Variants in NELFB observed in about 807,000 individuals in gnomAD.
NELFB encodes negative elongation factor complex member B.
Under a neutral mutation model 60.2 loss-of-function variants are expected in NELFB, and 34 were observed. The observed-to-expected ratio is 0.56, with a 90% CI of 0.43 to 0.75. The LOEUF is 0.75. Among genes scored for constraint, NELFB ranks in the 30% least tolerant of loss-of-function variants. NELFB has a pLI of 0.00. For missense variants in NELFB, 770 were observed against 831.6 expected, an observed-to-expected ratio of 0.93 and a Z score of 0.91; for synonymous variants, 459 against 382.1, an observed-to-expected ratio of 1.20 and a Z score of -2.35.
At chr9:137,262,885 G>C in intron 4 of NELFB, 152 bp from the exon 5 acceptor site, 1 of 717,312 alleles carries the variant, frequency 1.4e-6, no homozygotes, top group South Asian at 1.8e-5. Flanking sequence ...CAGACTGGGG[G>C]CCAATATTTA....
At chr9:137,266,500 C>A in intron 8 of NELFB, 74 bp downstream of exon 8, 1 of 1,305,142 alleles carries the variant, frequency 7.7e-7, no homozygotes, top group Non-Finnish European at 1.1e-6. Flanking sequence ...GAGGGGGAGG[C>A]GCTAGCAAGG....
chr9:137,272,578 T>G lies in NELFB; in HGVS notation c.1703T>G (p.Leu568Arg). Residue 568 changes from leucine to arginine, a missense_variant, in exon 12 of 13, where the codon CTG (leucine) becomes CGG (arginine). Leu to Arg is a moderately radical substitution (Grantham distance 102, BLOSUM62 -2). Transcript: ENST00000343053. ...CACCCCAGGGTGGCCCCGTCTAAGCTGGAGGCGTTGCAGAAGGCCCTGGAG... is the reference window on the plus strand; with the variant it reads ...CACCCCAGGGTGGCCCCGTCTAAGCGGGAGGCGTTGCAGAAGGCCCTGGAG... The G allele has an allele frequency of 1.2e-6, 2 of 1,609,246 alleles. No individual in the cohort carries two copies. Among genetic ancestry groups the G allele is most frequent in the Non-Finnish European group, 1.7e-6 (2 of 1,178,360 alleles).
chr9:137,256,994 A>G lies in NELFB; in HGVS notation c.681A>G (p.Thr227=), dbSNP rs1373618920. 1.9e-6 allele frequency: 3 copies of G among 1,614,006 alleles called. No individual in the cohort carries two copies. The highest frequency in any genetic ancestry group is 1.7e-6 in the Non-Finnish European group (2 of 1,180,030). ...AGAAGGAGAGCGCTCTCTTCAGTAC[A>G]GAGCTCTCTGTCCTGCACAACTTTT... The change falls in exon 4 of 13, where the codon ACA becomes ACG. Residue 227 remains threonine, a synonymous_variant. Transcript: ENST00000343053.
At chr9:137,268,178 C>G (rs1054796295) in intron 10 of NELFB, among the ~76,000 whole-genome samples, 1 of 151,738 alleles carries the variant, frequency 6.6e-6, no homozygotes, top group South Asian at 2.1e-4. Flanking sequence ...CTTGCGGTAC[C>G]CACTGTGACA....
At chr9:137,272,761 C>T (rs767592326) in intron 12 of NELFB, 21 bp from the exon 13 acceptor site, 4 of 1,533,246 alleles carry the variant, frequency 2.6e-6, no homozygotes, top group Middle Eastern at 1.7e-4. Flanking sequence ...CTCGCCTGCC[C>T]CATGGTGTGG....
chr9:137,264,079 G>A (rs1293733020), intron 5 of NELFB, among the ~76,000 whole-genome samples, 166 bp from the exon 6 acceptor site: 1 of 152,242 alleles, frequency 6.6e-6, no homozygotes, highest in Admixed American at 6.5e-5. Flanking sequence ...GCTTTGGCCG[G>A]GAGGTGTGGG....
At chr9:137,268,720 G>A (rs1830548744) in intron 10 of NELFB, among the ~76,000 whole-genome samples, 2 of 152,300 alleles carry the variant, frequency 1.3e-5, no homozygotes, top group East Asian at 1.9e-4. Context: ...GAGAGCACGG[G>A]CAGGGGAGAC....
At chr9:137,272,006 G>A in intron 10 of NELFB, 75 bp from the exon 11 acceptor site, 2 of 1,586,556 alleles carry the variant, frequency 1.3e-6, no homozygotes, top group Non-Finnish European at 1.7e-6. Flanking sequence ...TAGGTTCTGA[G>A]GTCTTTGAGG....
In NELFB at chr9:137,255,961, C is replaced by T. The variant is rs146836979; in HGVS notation, c.301C>T (p.Leu101=). ...TCAGTCAGCCCTCCCCTTCTTGGAC[C>T]TGCACGGGACGCCGCGGCTGGAGTT... Residue 101 remains leucine, a synonymous_variant, in exon 2 of 13, where the codon CTG becomes TTG. Coordinates refer to ENST00000343053, the MANE Select transcript of NELFB (RefSeq NM_015456.5). 33,892 of 1,614,020 alleles carry T rather than the reference C, an allele frequency of 0.021. 431 individuals are homozygous for T. The highest frequency in any genetic ancestry group is 0.024 in the Non-Finnish European group (28,421 of 1,180,006).
rs931121629 is a variant in NELFB at position 137,273,250 on chromosome 9, C to T, written c.*322C>T. 2 of 271,626 alleles carry T rather than the reference C, an allele frequency of 7.4e-6. No homozygotes were observed. Among genetic ancestry groups the T allele is most frequent in the Admixed American group, 9.9e-5 (2 of 20,182 alleles). The allele number at this position is 271,626 out of a possible 1,614,324, so 16.8% of individuals were successfully genotyped here. On this transcript the variant is annotated 3_prime_UTR_variant, in exon 13 of 13. Coordinates refer to ENST00000343053, the MANE Select transcript of NELFB (RefSeq NM_015456.5). The stretch of plus-strand genomic sequence containing the variant: ...AGAGGGCGGGGCCTGAGGGTGGGGG[C>T]GGGGCCTCTTCATTGGCCCAGCTTG...
In NELFB at chr9:137,256,432, G is replaced by GGGCCCT. The variant is rs1837552766; in HGVS notation, c.510+5_510+10dup. 6.2e-7 allele frequency: 1 copy of GGGCCCT among 1,612,760 alleles called. No individual in the cohort carries two copies. Among genetic ancestry groups the GGGCCCT allele is most frequent in the Non-Finnish European group, 8.5e-7 (1 of 1,179,570 alleles). ...CGTCATGAAGCACCTGCCCAAGGTA[G>GGGCCCT]GGCCCTAACCCTAACCCTGATGGCG... is the stretch of plus-strand genomic sequence containing the variant. On this transcript the variant is annotated splice_donor_region_variant and intron_variant, in intron 3 of 12. Coordinates refer to ENST00000343053, the MANE Select transcript of NELFB (RefSeq NM_015456.5).
chr9:137,256,658 T>G (rs1837556828), intron 3 of NELFB, among the ~76,000 whole-genome samples, 166 bp from the exon 4 acceptor site: 2 of 152,160 alleles, frequency 1.3e-5, no homozygotes, highest in African/African-American at 4.8e-5. Flanking sequence ...CTGTTGGTAT[T>G]TAGCATGTCT....
intron 10 of NELFB, 120 bp downstream of exon 10, chr9:137,267,466 C>T (rs1009358109): frequency 6.9e-5 from 48 of 697,766 alleles, no homozygotes; most frequent in Non-Finnish European, 1.1e-4. Flanking sequence ...AGCCCACCTC[C>T]AACTTTGCTA....
intron 7 of NELFB, 88 bp downstream of exon 7, chr9:137,266,067 C>A: frequency 9.5e-7 from 1 of 1,049,448 alleles, no homozygotes; most frequent in Non-Finnish European, 1.4e-6. Flanking sequence ...CAGCAGCGGC[C>A]AGGTGGAGGC....
At chr9:137,267,581 C>A (rs1830537186) in intron 10 of NELFB, among the ~76,000 whole-genome samples, 1 of 151,684 alleles carries the variant, frequency 6.6e-6, no homozygotes, top group Non-Finnish European at 1.5e-5. Flanking sequence ...CAGCCTCTGC[C>A]TCCTAGGTTC....
At chr9:137,259,657 A>G (rs984338725) in intron 4 of NELFB, among the ~76,000 whole-genome samples, 10 of 150,420 alleles carry the variant, frequency 6.6e-5, no homozygotes, top group African/African-American at 2.4e-4. Flanking sequence ...ATTTTATTTT[A>G]TTTTATATAT....
intron 11 of NELFB, 139 bp from the exon 12 acceptor site, chr9:137,272,368 G>T (rs546751028): frequency 9.4e-5 from 138 of 1,466,156 alleles, no homozygotes; most frequent in African/African-American, 3.1e-4. Context: ...GGCCCTGCAG[G>T]GTGCCTGGGC....
At chr9:137,256,134 CAG>C (rs1837547220) in intron 2 of NELFB, 64 bp downstream of exon 2, 3 of 1,547,118 alleles carry the variant, frequency 1.9e-6, no homozygotes, top group Non-Finnish European at 2.7e-6. Flanking sequence ...TGGATCGACT[CAG>C]GGGCATTTAT....
intron 1 of NELFB, 58 bp from the exon 2 acceptor site, chr9:137,255,849 G>A: frequency 1.9e-6 from 3 of 1,593,788 alleles, no homozygotes; most frequent in Non-Finnish European, 2.6e-6. Context: ...GTGCTCTCAG[G>A]ACCTCGGGGT....
Sources: allele counts gnomAD v4.1 joint callset (sites outside exome capture counted in the v4.1 genomes callset), GRCh38; gene constraint gnomAD v4.1.1; transcripts MANE v1.5; gene names NCBI Gene and HGNC (gene_info 2026-07-23, HGNC 2026-07-21).